ANK3: variants seen among roughly 807,000 people sequenced by gnomAD.
ANK3 encodes the protein ankyrin 3.
Under a neutral mutation model 370.9 loss-of-function variants are expected in ANK3, and 57 were observed. The observed-to-expected ratio is 0.15, with a 90% confidence interval of 0.12 to 0.19. ANK3 has a LOEUF of 0.19. Ranked by LOEUF, ANK3 falls within the 10% of genes least tolerant of loss-of-function variation. The pLI is 1.00. For missense variants in ANK3, 4,439 were observed against 5,302.1 expected (o/e 0.84, Z 5.06); for synonymous variants, 1,929 against 1,946.3 (o/e 0.99, Z 0.23).
At chr10:60,562,851 A>T (rs2133251801) in intron 2 of ANK3, among the ~76,000 whole-genome samples, 1 of 152,342 alleles carries the variant, frequency 6.6e-6, no homozygotes, top group South Asian at 2.1e-4. Flanking sequence ...GAGACAGATG[A>T]CAAAGAACTC....
chr10:60,491,437 T>C (rs1483880828), intron 2 of ANK3, among the ~76,000 whole-genome samples: 2 of 152,208 alleles, frequency 1.3e-5, no homozygotes, highest in African/African-American at 2.4e-5. Flanking sequence ...CAAATCATAA[T>C]AACATTTTCA....
intron 39 of ANK3, among the ~76,000 whole-genome samples, chr10:60,063,738 C>T (rs2081073104): frequency 6.6e-6 from 1 of 152,174 alleles, no homozygotes; most frequent in Non-Finnish European, 1.5e-5. Context: ...AACAGTAGAG[C>T]CAACCAAGCT....
In ANK3 at chr10:60,693,874, C is replaced by A. The variant is rs534003540; in HGVS notation, c.57+39389G>T. On this transcript the variant is annotated intron_variant, in intron 1 of 43. Transcript: ENST00000373827. ...CCTCCAAAGGAATGCAGTTCCTCAC[C>A]AGCAATGGAACAAAGCTGGATGGAG... Among the ~76,000 whole-genome samples the A allele has an allele frequency of 1.1e-4, 17 of 152,244 alleles. No homozygotes were observed. The South Asian group carries it at 1.2e-3, about 11-fold the overall frequency.
intron 2 of ANK3, among the ~76,000 whole-genome samples, chr10:60,428,060 C>T (rs1171857483): frequency 6.6e-6 from 1 of 152,148 alleles, no homozygotes; most frequent in Non-Finnish European, 1.5e-5. Flanking sequence ...CTGCACTTAT[C>T]TTTTCCCAAC....
chr10:60,088,037 G>A (rs2087144953), intron 29 of ANK3, 110 bp downstream of exon 29: 1 of 814,844 alleles, frequency 1.2e-6, no homozygotes, highest in Non-Finnish European at 2.0e-6. Context: ...TTCCCCAAAC[G>A]GCCTAATTAG....
intron 2 of ANK3, among the ~76,000 whole-genome samples, chr10:60,532,514 C>T (rs574367893): frequency 6.6e-6 from 1 of 152,250 alleles, no homozygotes; most frequent in African/African-American, 2.4e-5. Context: ...ATTTCTAGGA[C>T]TTGCATTCCA....
intron 2 of ANK3, among the ~76,000 whole-genome samples, chr10:60,459,053 G>C (rs1177198502): frequency 6.6e-6 from 1 of 151,940 alleles, no homozygotes; most frequent in Non-Finnish European, 1.5e-5. Flanking sequence ...ATAATACATC[G>C]AAATGAGTGA....
intron 1 of ANK3, among the ~76,000 whole-genome samples, chr10:60,620,485 G>A (rs545355132): frequency 5.4e-4 from 82 of 152,196 alleles, no homozygotes; most frequent in African/African-American, 1.9e-3. Flanking sequence ...GGCACAAAGA[G>A]AATAAGTAAC....
chr10:60,351,289 A>G (rs2056817420), intron 1 of ANK3, among the ~76,000 whole-genome samples: 1 of 152,200 alleles, frequency 6.6e-6, no homozygotes, highest in Non-Finnish European at 1.5e-5. Flanking sequence ...GCAATCACTC[A>G]GAAAATAAAA....
chr10:60,036,728 A>G (rs1666150275), intron 43 of ANK3, among the ~76,000 whole-genome samples: 1 of 151,970 alleles, frequency 6.6e-6, no homozygotes, highest in Admixed American at 6.6e-5. Context: ...GAGCCACTGC[A>G]TCTGGCTGAG....
chr10:60,503,358 C>T (rs1245132190), intron 2 of ANK3, among the ~76,000 whole-genome samples: 10 of 152,142 alleles, frequency 6.6e-5, no homozygotes, highest in African/African-American at 2.2e-4. Context: ...ATTTATTGAT[C>T]ATTTCCTAAG....
At chr10:60,124,165 T>C (rs2093637443) in intron 25 of ANK3, among the ~76,000 whole-genome samples, 1 of 152,120 alleles carries the variant, frequency 6.6e-6, no homozygotes, top group African/African-American at 2.4e-5. Flanking sequence ...TATTTATTTA[T>C]TTTATTTTTT....
At chr10:60,693,315 G>C (rs566931339) in intron 1 of ANK3, among the ~76,000 whole-genome samples, 1 of 152,216 alleles carries the variant, frequency 6.6e-6, no homozygotes, top group Non-Finnish European at 1.5e-5. Flanking sequence ...CAGCAGTGAG[G>C]CTGGGGGAGG....
chr10:60,460,244 C>A (rs1254185342), intron 2 of ANK3, among the ~76,000 whole-genome samples: 4 of 152,074 alleles, frequency 2.6e-5, no homozygotes, highest in African/African-American at 7.2e-5. Context: ...CAGGAGCAAA[C>A]CCTTTGGGAA....
chr10:60,717,764 G>T (rs2079810291), intron 1 of ANK3, among the ~76,000 whole-genome samples: 1 of 152,176 alleles, frequency 6.6e-6, no homozygotes, highest in Non-Finnish European at 1.5e-5. Context: ...GTAATGAAAG[G>T]TTTGAAAGTT....
At chr10:60,708,487 C>T (rs1306737171) in intron 1 of ANK3, among the ~76,000 whole-genome samples, 1 of 152,108 alleles carries the variant, frequency 6.6e-6, no homozygotes, top group African/African-American at 2.4e-5. Flanking sequence ...CCTCCAAGAG[C>T]CCCACAAGTT....
chr10:60,225,635 T>C (rs1284365203), intron 8 of ANK3, among the ~76,000 whole-genome samples: 4 of 152,104 alleles, frequency 2.6e-5, no homozygotes, highest in Non-Finnish European at 4.4e-5. Context: ...GGAGGGAAAA[T>C]ACATTAATTA....
At chr10:60,572,433 T>C (rs1046950757) in intron 2 of ANK3, 18 of 1,532,434 alleles carry the variant, frequency 1.2e-5, no homozygotes, top group African/African-American at 8.2e-5. Context: ...CAGAGAACAA[T>C]GAAGAGAACA....
chr10:60,631,176 T>G (rs1243776679), intron 1 of ANK3, among the ~76,000 whole-genome samples: 1 of 152,150 alleles, frequency 6.6e-6, no homozygotes, highest in East Asian at 1.9e-4. Context: ...AGGGCTCTAT[T>G]TTGTACTGAT....
Sources: gnomAD v4.1 joint callset for allele counts (sites outside exome capture counted in the v4.1 genomes callset) on GRCh38, gnomAD v4.1.1 for gene constraint, MANE v1.5 for transcripts, NCBI Gene and HGNC (gene_info 2026-07-23, HGNC 2026-07-21) for gene names.